The following TMTC4 variants were observed in gnomAD, a reference collection of about 807,000 sequenced individuals.
TMTC4 encodes transmembrane O-mannosyltransferase targeting cadherins 4, also known as protein O-mannosyl-transferase TMTC4.
TMTC4 carries 65 observed loss-of-function variants against 86.0 expected under a neutral mutation model. The ratio of observed to expected loss-of-function variants is 0.76; its 90% confidence interval spans 0.62 to 0.93. The LOEUF (loss-of-function observed/expected upper bound fraction) is 0.93. TMTC4 is among the 40% of genes least tolerant of loss of function. The pLI is 0.00. For missense variants in TMTC4, 866 were observed against 948.1 expected (o/e 0.91, Z 1.14); for synonymous variants, 379 against 382.5 (o/e 0.99, Z 0.11).
intron 8 of TMTC4, 50 bp from the exon 9 acceptor site, chr13:100,637,752 T>C (rs1882462145): frequency 1.9e-6 from 3 of 1,596,398 alleles, no homozygotes; most frequent in South Asian, 1.1e-5. Flanking sequence ...CACATAAAAG[T>C]GTGGCTGAGC....
intron 6 of TMTC4, among the ~76,000 whole-genome samples, chr13:100,644,595 C>T (rs149372080): frequency 1.6e-4 from 25 of 152,312 alleles, no homozygotes; most frequent in African/African-American, 5.8e-4. Context: ...ACACAGTCTC[C>T]AGCAGCAGCA....
chr13:100,624,098 G>A (rs548627746), intron 15 of TMTC4: 73 of 187,308 alleles, frequency 3.9e-4, no homozygotes, highest in Non-Finnish European at 7.0e-4. Flanking sequence ...AGGCTGAGGC[G>A]GGCGGATCAC....
chr13:100,660,156 C>A (rs1885588764), intron 5 of TMTC4, among the ~76,000 whole-genome samples: 1 of 151,176 alleles, frequency 6.6e-6, no homozygotes, highest in African/African-American at 2.4e-5. Flanking sequence ...CATGGTGAAA[C>A]CCCATCTCTA....
chr13:100,668,273 C>T, intron 3 of TMTC4: 1 of 252,796 alleles, frequency 4.0e-6, no homozygotes, highest in Non-Finnish European at 7.5e-6. Flanking sequence ...AATACTAAGT[C>T]TGCAACACCC....
chr13:100,668,928 C>T, intron 2 of TMTC4, 134 bp from the exon 3 acceptor site: 1 of 972,020 alleles, frequency 1.0e-6, no homozygotes, highest in South Asian at 1.7e-5. Flanking sequence ...CAATTTGAAG[C>T]TGTGCTTCCC....
intron 2 of TMTC4, among the ~76,000 whole-genome samples, chr13:100,669,043 C>A (rs904084611): frequency 6.6e-6 from 1 of 152,134 alleles, no homozygotes; most frequent in Non-Finnish European, 1.5e-5. Context: ...GCCAGAATAT[C>A]GTTTAGAAAT....
chr13:100,650,702 G>A (rs1301875314), intron 6 of TMTC4, among the ~76,000 whole-genome samples: 1 of 152,210 alleles, frequency 6.6e-6, no homozygotes, highest in Non-Finnish European at 1.5e-5. Context: ...CCATTTGGGG[G>A]AAAATCAAGC....
chr13:100,675,064 G>C (rs1314110068), upstream of TMTC4: 3 of 985,566 alleles, frequency 3.0e-6, no homozygotes, highest in African/African-American at 5.2e-5. Context: ...AGGGACAGAC[G>C]GACCCGGCGG....
intron 6 of TMTC4, among the ~76,000 whole-genome samples, chr13:100,653,483 G>A (rs529411220): frequency 6.6e-6 from 1 of 152,272 alleles, no homozygotes; most frequent in East Asian, 1.9e-4. Context: ...AGTGACAGAG[G>A]GTGGGTCTCA....
chr13:100,659,943 G>C (rs1328547433), intron 5 of TMTC4, among the ~76,000 whole-genome samples: 2 of 148,420 alleles, frequency 1.3e-5, no homozygotes, highest in Non-Finnish European at 3.0e-5. Context: ...GGAAAATTCA[G>C]GTGCTTATTT....
At chr13:100,637,001 T>C (rs567394836) in intron 9 of TMTC4, among the ~76,000 whole-genome samples, 1 of 152,306 alleles carries the variant, frequency 6.6e-6, no homozygotes, top group East Asian at 1.9e-4. Flanking sequence ...CTATGATCTA[T>C]TTGCTGCCTG....
chr13:100,630,027 ATG>A (rs71121125), intron 12 of TMTC4, among the ~76,000 whole-genome samples: 906 of 46,136 alleles, frequency 0.02, 11 homozygotes, highest in South Asian at 0.057. Context: ...ATCTGTGTGT[ATG>A]TGTGTGTGTG....
At chr13:100,674,102 G>A (rs1887500452) in intron 1 of TMTC4, 1 of 984,812 alleles carries the variant, frequency 1.0e-6, no homozygotes, top group African/African-American at 1.7e-5. Flanking sequence ...GGTGGGCAGT[G>A]GCTGCGCCAC....
intron 6 of TMTC4, among the ~76,000 whole-genome samples, chr13:100,646,230 C>T (rs1432905909): frequency 1.3e-5 from 2 of 152,180 alleles, no homozygotes; most frequent in African/African-American, 4.8e-5. Context: ...GGACGGCTGG[C>T]ACCATGCCTG....
chr13:100,615,329 G>T (rs574062328), intron 15 of TMTC4, among the ~76,000 whole-genome samples: 1 of 152,110 alleles, frequency 6.6e-6, no homozygotes, highest in East Asian at 1.9e-4. Flanking sequence ...AGTAGAGACG[G>T]GGTTTCACCA....
intron 12 of TMTC4, among the ~76,000 whole-genome samples, chr13:100,634,139 CAAA>C (rs113105859): frequency 5.7e-5 from 5 of 88,098 alleles, no homozygotes; most frequent in Admixed American, 1.2e-4. Flanking sequence ...GACCCAGTCT[CAAA>C]AAAAAAAAAA....
At chr13:100,609,943 A>G (rs1341156501) in intron 17 of TMTC4, among the ~76,000 whole-genome samples, 1 of 152,216 alleles carries the variant, frequency 6.6e-6, no homozygotes, top group Non-Finnish European at 1.5e-5. Context: ...CTGCATATCA[A>G]CATCTCAAAA....
At chr13:100,624,694 T>TA (rs1880178506) in intron 15 of TMTC4, among the ~76,000 whole-genome samples, 1 of 152,250 alleles carries the variant, frequency 6.6e-6, no homozygotes, top group Non-Finnish European at 1.5e-5. Context: ...CTAAGCTGGA[T>TA]AAAATCTGGA....
At chr13:100,618,517 T>C (rs1017455252) in intron 15 of TMTC4, among the ~76,000 whole-genome samples, 2 of 151,030 alleles carry the variant, frequency 1.3e-5, no homozygotes, top group African/African-American at 2.4e-5. Context: ...TTATTGATCA[T>C]TCTTGGGTGT....
Sources: allele counts gnomAD v4.1 joint callset (sites outside exome capture counted in the v4.1 genomes callset), GRCh38; gene constraint gnomAD v4.1.1; transcripts MANE v1.5; gene names NCBI Gene and HGNC (gene_info 2026-07-23, HGNC 2026-07-21).